The following FEZF2 variants were observed in gnomAD, a reference collection of about 807,000 sequenced individuals.
FEZF2 encodes FEZ family zinc finger 2.
A neutral mutation model predicts 32.8 loss-of-function variants in FEZF2; 2 were observed. The observed-to-expected ratio is 0.06, with a 90% CI of 0.02 to 0.19. The LOEUF (loss-of-function observed/expected upper bound fraction) is 0.19, where lower values mean the gene tolerates loss of function less well. Ranked by LOEUF, FEZF2 falls within the 10% of genes least tolerant of loss-of-function variation. The pLI is 1.00. For synonymous variants in FEZF2, 322 were observed against 284.8 expected, an observed-to-expected ratio of 1.13 and a Z score of -1.32; for missense variants, 516 against 625.4, an observed-to-expected ratio of 0.83 and a Z score of 1.87.
Position 62,372,872 on chromosome 3 carries a change from G to A in FEZF2, c.-4C>T, listed in dbSNP as rs745508890. 2.8e-6 allele frequency: 4 copies of A among 1,422,722 alleles called. No individual in the cohort carries two copies. Among genetic ancestry groups the A allele is most frequent in the East Asian group, 2.8e-5 (1 of 35,768 alleles). 88.1% of individuals were successfully genotyped at this position (1,422,722 alleles called of 1,614,324 possible). ...CCAGGGAAGCCGAGCTTGCCATGGC[G>A]CGCGGAGCTGAGCCGAGCCAGGCTG... On this transcript the variant is annotated 5_prime_UTR_variant, in exon 2 of 5. Coordinates refer to ENST00000283268, the MANE Select transcript of FEZF2 (RefSeq NM_018008.4). The surrounding 1 kb of genome is among the most constrained non-coding windows in gnomAD (Gnocchi z 9.6).
chr3:62,371,874 T>C (rs1704274717), intron 2 of FEZF2, 143 bp downstream of exon 2: 3 of 1,415,748 alleles, frequency 2.1e-6, no homozygotes, highest in South Asian at 1.5e-5. Context: ...AATAGGAAAC[T>C]GAGGCCCAAC....
At chr3:62,371,711 G>A in intron 2 of FEZF2, 44 bp from the exon 3 acceptor site, 1 of 1,576,862 alleles carries the variant, frequency 6.3e-7, no homozygotes, top group Non-Finnish European at 8.6e-7. Context: ...CTGTCCGAGG[G>A]CCTACAATCA....
In FEZF2 at chr3:62,371,726, C is replaced by CG. The variant is rs200680681; in HGVS notation, c.853-60dup. The CG allele has an allele frequency of 1.2e-3, 1,918 of 1,556,200 alleles. 25 individuals are homozygous for CG. The African/African-American group carries it at 0.022, about 18-fold the overall frequency. ...CTGTCCGAGGGCCTACAATCAGCCCCGGGGGGGCCACAGCCTACCTCCCCC... is the reference window on the plus strand; with the variant it reads ...CTGTCCGAGGGCCTACAATCAGCCCCGGGGGGGGCCACAGCCTACCTCCCCC... On this transcript the variant is annotated intron_variant, in intron 2 of 4. Transcript: ENST00000283268.
At position 62,372,171 on chromosome 3, in the gene FEZF2, G is replaced by C; in HGVS notation, c.698C>G (p.Pro233Arg). ...CGGCGCCGGCAAGCGCTCCTTATGG[G>C]GATAGGGAGCCGGGTGGGGGAACTT... ...ADKFPHPAPY[P>R]HKERLPAPLE... The change falls in exon 2 of 5, where the codon CCC becomes CGC. Residue 233 changes from proline (P) to arginine (R), a missense_variant. By Grantham distance (103) the Pro-to-Arg change is moderately radical (BLOSUM62 -2). Transcript: ENST00000283268. This position sits in a 1 kb window ranked among gnomAD's most constrained non-coding sequence, Gnocchi z 9.6. The C allele has an allele frequency of 1.9e-6, 3 of 1,587,104 alleles. No homozygotes were observed. Among genetic ancestry groups the C allele is most frequent in the Non-Finnish European group, 2.6e-6 (3 of 1,166,732 alleles).
rs1047044915 is a variant in FEZF2 at position 62,373,069 on chromosome 3, G to C, written c.-58-143C>G. The C allele has an allele frequency of 5.7e-6, 2 of 350,646 alleles. No homozygotes were observed. Among genetic ancestry groups the C allele is most frequent in the Non-Finnish European group, 9.6e-6 (2 of 207,644 alleles). 21.7% of individuals were successfully genotyped at this position (350,646 alleles called of 1,614,324 possible). A position where few individuals can be genotyped will look rare whatever the true frequency, so the allele number is the denominator to read the frequency against. On this transcript the variant is annotated intron_variant, in intron 1 of 4. Transcript: ENST00000283268. The surrounding 1 kb of genome is among the most constrained non-coding windows in gnomAD (Gnocchi z 5.5). Reference sequence around the variant, plus strand: ...AAATTACCGCCCATTAACCCGGCGCGCAAAGGAACCCACCAGCCCCTGCCC... The same window carrying C: ...AAATTACCGCCCATTAACCCGGCGCCCAAAGGAACCCACCAGCCCCTGCCC...
In FEZF2 at chr3:62,372,668, G is replaced by C; in HGVS notation, c.201C>G (p.Cys67Trp). Residue 67 changes from cysteine to tryptophan, a missense_variant, in exon 2 of 5, where the codon TGC becomes TGG. Cys to Trp is a radical substitution (Grantham distance 215). Transcript: ENST00000283268. The surrounding 1 kb of genome is among the most constrained non-coding windows in gnomAD (Gnocchi z 9.6). Reference protein sequence around the residue: ...GSQGKKLLNLCSPLPCMIPLQ... With the variant: ...GSQGKKLLNLWSPLPCMIPLQ... ...GGGGGATCATACAGGGCAGCGGCGA[G>C]CAGAGGTTGAGCAGTTTCTTGCCCT... 7 of 1,608,002 alleles carry C rather than the reference G, an allele frequency of 4.4e-6. No individual in the cohort carries two copies. Among genetic ancestry groups the C allele is most frequent in the Non-Finnish European group, 5.9e-6 (7 of 1,177,154 alleles).
Position 62,372,930 on chromosome 3 carries a change from CA to C in FEZF2, c.-58-5del, listed in dbSNP as rs1460507642. The C allele has an allele frequency of 1.5e-6, 2 of 1,321,092 alleles. No individual in the cohort carries two copies. The highest frequency in any genetic ancestry group is 3.1e-5 in the African/African-American group (2 of 65,274). 81.8% of individuals were successfully genotyped at this position (1,321,092 alleles called of 1,614,324 possible). A position where few individuals can be genotyped will look rare whatever the true frequency, so the allele number is the denominator to read the frequency against. On this transcript the variant is annotated splice_region_variant and splice_polypyrimidine_tract_variant and intron_variant, in intron 1 of 4. Transcript: ENST00000283268. This position sits in a 1 kb window ranked among gnomAD's most constrained non-coding sequence, Gnocchi z 9.6. ...GCGCAGCCTCTCTCCTCTAAGTCTG[CA>C]TTCCGGAAAAGGCAGGGGGGAAAAC...
In FEZF2 at chr3:62,370,539, T is replaced by C. The variant is rs1291121594; in HGVS notation, c.1121-197A>G. On this transcript the variant is annotated intron_variant, in intron 4 of 4. Coordinates refer to ENST00000283268, the MANE Select transcript of FEZF2 (RefSeq NM_018008.4). This position sits in a 1 kb window ranked among gnomAD's most constrained non-coding sequence, Gnocchi z 4.2. ...GGTGCTCTCCCGACAAGACCGAGACTGAGTCCCGCGGAGCCGCTCTGCGCT... is the reference window on the plus strand; with the variant it reads ...GGTGCTCTCCCGACAAGACCGAGACCGAGTCCCGCGGAGCCGCTCTGCGCT... 1.3e-5 allele frequency among the ~76,000 whole-genome samples: 2 copies of C among 152,170 alleles called. No individual in the cohort carries two copies. The highest frequency in any genetic ancestry group is 4.8e-5 in the African/African-American group (2 of 41,456).
Position 62,372,527 on chromosome 3 carries a change from G to GCCGCCGCCGCCA in FEZF2, c.330_341dup (p.Gly114_Gly117dup), listed in dbSNP as rs756214780. 34 of 1,297,814 alleles carry GCCGCCGCCGCCA rather than the reference G, an allele frequency of 2.6e-5. No homozygotes were observed. The highest frequency in any genetic ancestry group is 2.0e-4 in the Admixed American group (5 of 24,694). 80.4% of individuals were successfully genotyped at this position (1,297,814 alleles called of 1,614,324 possible). The stretch of plus-strand genomic sequence containing the variant: ...CGCCGCACACTGGGGCCCCCCCGCC[G>GCCGCCGCCGCCA]CCGCCGCCGCCACCGCCGCCGCCGC... On this transcript the variant is annotated inframe_insertion, in exon 2 of 5. Transcript: ENST00000283268. This position sits in a 1 kb window ranked among gnomAD's most constrained non-coding sequence, Gnocchi z 9.6.
chr3:62,371,613 T>TAGAC lies in FEZF2; in HGVS notation c.906_907insGTCT (p.Arg303ValfsTer2). The TAGAC allele has an allele frequency of 6.2e-7, 1 of 1,614,192 alleles. No individual in the cohort carries two copies. The highest frequency in any genetic ancestry group is 8.5e-7 in the Non-Finnish European group (1 of 1,180,032). On this transcript the variant is annotated frameshift_variant, in exon 3 of 5. Transcript: ENST00000283268. LOFTEE classifies it high-confidence loss of function. The stretch of plus-strand genomic sequence containing the variant: ...CCGCAGACTTTGCACACGAACGGTC[T>TAGAC]GGCTCCGGTGTGGACCGGCATGTGG...
At chr3:62,371,175 C>CTGAGG (rs748207681) in intron 4 of FEZF2, 42 bp downstream of exon 4, 1 of 1,613,946 alleles carries the variant, frequency 6.2e-7, no homozygotes, top group Non-Finnish European at 8.5e-7. Flanking sequence ...GACCCGAGTC[C>CTGAGG]TGAGGTGAGG....
chr3:62,372,674 G>T lies in FEZF2; in HGVS notation c.195C>A (p.Asn65Lys). The T allele has an allele frequency of 6.2e-7, 1 of 1,608,498 alleles. No homozygotes were observed. Among genetic ancestry groups the T allele is most frequent in the Non-Finnish European group, 8.5e-7 (1 of 1,177,432 alleles). ...ADGSQGKKLL[N>K]LCSPLPCMIP... is the part of the protein sequence containing the mutation. ...TCATACAGGGCAGCGGCGAGCAGAGGTTGAGCAGTTTCTTGCCCTGGCTGC... is the reference window on the plus strand; with the variant it reads ...TCATACAGGGCAGCGGCGAGCAGAGTTTGAGCAGTTTCTTGCCCTGGCTGC... The change falls in exon 2 of 5, where the codon AAC becomes AAA. Residue 65 changes from asparagine (N) to lysine (K), a missense_variant. Transcript: ENST00000283268. The surrounding 1 kb of genome is among the most constrained non-coding windows in gnomAD (Gnocchi z 9.6).
Position 62,372,252 on chromosome 3 carries a change from G to A in FEZF2, c.617C>T (p.Ala206Val), listed in dbSNP as rs1196483533. The A allele has an allele frequency of 1.9e-6, 3 of 1,582,082 alleles. No homozygotes were observed. Among genetic ancestry groups the A allele is most frequent in the Admixed American group, 1.8e-5 (1 of 55,060 alleles). ...LNAQAPAALA[A>V]HPKLFLLENA... Reference sequence around the variant, plus strand: ...CTCCAGCAGAAAGAGCTTGGGGTGAGCAGCCAGGGCGGCGGGGGCCTGCGC... The same window carrying A: ...CTCCAGCAGAAAGAGCTTGGGGTGAACAGCCAGGGCGGCGGGGGCCTGCGC... Residue 206 changes from alanine (A) to valine (V), a missense_variant, in exon 2 of 5, where the codon GCT (alanine) becomes GTT (valine). Transcript: ENST00000283268. The surrounding 1 kb of genome is among the most constrained non-coding windows in gnomAD (Gnocchi z 9.6).
Position 62,372,523 on chromosome 3 carries a change from C to A in FEZF2, c.346G>T (p.Gly116Trp). The change falls in exon 2 of 5, where the codon GGG (glycine) becomes TGG (tryptophan). Residue 116 changes from glycine (G) to tryptophan (W), a missense_variant. Physicochemically the swap from Gly to Trp is radical, Grantham distance 184 (BLOSUM62 -2). Around this residue, in one of 3 missense-constraint regions of FEZF2, gnomAD observed 408 missense variants for 382.2 expected, o/e 1.07. Coordinates refer to ENST00000283268, the MANE Select transcript of FEZF2 (RefSeq NM_018008.4). This position sits in a 1 kb window ranked among gnomAD's most constrained non-coding sequence, Gnocchi z 9.6. ...CTGGCGCCGCACACTGGGGCCCCCC[C>A]GCCGCCGCCGCCGCCACCGCCGCCG... ...GGGGGGGGGG[G>W]GAPVCGASGL... The A allele has an allele frequency of 7.8e-7, 1 of 1,277,034 alleles. No individual in the cohort carries two copies. The highest frequency in any genetic ancestry group is 9.9e-7 in the Non-Finnish European group (1 of 1,011,248). 79.1% of individuals were successfully genotyped at this position (1,277,034 alleles called of 1,614,324 possible).
In FEZF2 at chr3:62,372,116, G is replaced by A. The variant is rs1284598749; in HGVS notation, c.753C>T (p.Ala251=). The change falls in exon 2 of 5, where the codon GCC becomes GCT. Residue 251 remains alanine (A), a synonymous_variant. Coordinates refer to ENST00000283268, the MANE Select transcript of FEZF2 (RefSeq NM_018008.4). This position sits in a 1 kb window ranked among gnomAD's most constrained non-coding sequence, Gnocchi z 9.6. ...TGACGCCTCCGCGCTCGGCAGTCAG[G>A]GCCGAGTTTTCCTTCAGTACCTGCT... The part of the protein sequence containing the change: ...PLEQVLKENS[A]LTAERGGVKG... 1 of 1,602,706 alleles carries A rather than the reference G, an allele frequency of 6.2e-7. No homozygotes were observed. Among genetic ancestry groups the A allele is most frequent in the Non-Finnish European group, 8.5e-7 (1 of 1,175,326 alleles).
intron 4 of FEZF2, among the ~76,000 whole-genome samples, 170 bp downstream of exon 4, chr3:62,371,047 C>G (rs1286346403): frequency 6.6e-6 from 1 of 152,194 alleles, no homozygotes; most frequent in Non-Finnish European, 1.5e-5. Context: ...ACTAACCCCG[C>G]TAGGAGAGCT....
intron 2 of FEZF2, 112 bp from the exon 3 acceptor site, chr3:62,371,779 C>A (rs1018185044): frequency 1.3e-6 from 2 of 1,491,114 alleles, no homozygotes; most frequent in Admixed American, 2.2e-5. Flanking sequence ...GAAACCAGAG[C>A]CTTTTTCAGT....
chr3:62,372,200 C>A lies in FEZF2; in HGVS notation c.669G>T (p.Ala223=). 1 of 1,576,994 alleles carries A rather than the reference C, an allele frequency of 6.3e-7. No individual in the cohort carries two copies. The highest frequency in any genetic ancestry group is 1.8e-5 in the Admixed American group (1 of 54,230). ...AGGGAGCCGGGTGGGGGAACTTGTC[C>A]GCAGCCAGGCCGGCCAGCTTGGCGT... ...LENAKLAGLA[A]DKFPHPAPYP... is the part of the protein sequence containing the mutation. Residue 223 remains alanine, a synonymous_variant, in exon 2 of 5, where the codon GCG becomes GCT. Transcript: ENST00000283268. The surrounding 1 kb of genome is among the most constrained non-coding windows in gnomAD (Gnocchi z 9.6).
At position 62,370,705 on chromosome 3, in the gene FEZF2, G is replaced by A. The variant is rs1424967247; in HGVS notation, c.1121-363C>T. Among the ~76,000 whole-genome samples the A allele has an allele frequency of 6.6e-6, 1 of 152,142 alleles. No individual in the cohort carries two copies. Among genetic ancestry groups the A allele is most frequent in the Admixed American group, 6.5e-5 (1 of 15,280 alleles). On this transcript the variant is annotated intron_variant, in intron 4 of 4. Coordinates refer to ENST00000283268, the MANE Select transcript of FEZF2 (RefSeq NM_018008.4). This position sits in a 1 kb window ranked among gnomAD's most constrained non-coding sequence, Gnocchi z 4.2. ...CTAGAAGAAATTCGCACGAACCCGG[G>A]CTTCATCCTTTTTCTTTTCCCCCTT...
Sources: allele counts gnomAD v4.1 joint callset (sites outside exome capture counted in the v4.1 genomes callset), GRCh38; gene constraint gnomAD v4.1.1; regional missense constraint gnomAD v4.1.1; non-coding constraint Gnocchi (gnomAD v3.1); transcripts MANE v1.5; gene names NCBI Gene and HGNC (gene_info 2026-07-23, HGNC 2026-07-21).